Variants in ANKRD12 observed in about 807,000 individuals in gnomAD.
ANKRD12 encodes ankyrin repeat domain-containing protein 12.
Under a neutral mutation model 183.4 loss-of-function variants are expected in ANKRD12, and 85 were observed. The ratio of observed to expected loss-of-function variants is 0.46; its 90% CI spans 0.39 to 0.56. The LOEUF is 0.56. Ranked by LOEUF, ANKRD12 falls within the 20% of genes least tolerant of loss-of-function variation. ANKRD12 has a pLI of 0.00. For synonymous variants in ANKRD12, 914 were observed against 800.2 expected (o/e 1.14, Z -2.40); for missense variants, 2,405 against 2,357.1 (o/e 1.02, Z -0.42).
chr18:9,257,911 T>A lies in ANKRD12; in HGVS notation c.4644T>A (p.Thr1548=), dbSNP rs771895849. 6.2e-7 allele frequency: 1 copy of A among 1,613,990 alleles called. No homozygotes were observed. The highest frequency in any genetic ancestry group is 1.1e-5 in the South Asian group (1 of 91,072). ...AATCTACAAAAGATACAGAAAATAC[T>A]TTTGTCCTAGGAGATGTTCAAAAAA... ...DNESTKDTEN[T]FVLGDVQKTD... The change falls in exon 9 of 13, where the codon ACT becomes ACA. Residue 1548 remains threonine (T), a synonymous_variant. Coordinates refer to ENST00000262126, the MANE Select transcript of ANKRD12 (RefSeq NM_015208.5).
At chr18:9,175,907 T>C (rs1403077838) in intron 1 of ANKRD12, among the ~76,000 whole-genome samples, 1 of 152,156 alleles carries the variant, frequency 6.6e-6, no homozygotes, top group African/African-American at 2.4e-5. Flanking sequence ...TTCTCCAAAT[T>C]GTTAGCCTTA....
chr18:9,163,472 C>T (rs975929028), intron 1 of ANKRD12, among the ~76,000 whole-genome samples: 1 of 152,094 alleles, frequency 6.6e-6, no homozygotes, highest in Non-Finnish European at 1.5e-5. Context: ...CATGATGCCT[C>T]TAGCTTTGTT....
chr18:9,143,599 T>C (rs2078394660), intron 1 of ANKRD12, among the ~76,000 whole-genome samples: 1 of 152,218 alleles, frequency 6.6e-6, no homozygotes, highest in Admixed American at 6.5e-5. Context: ...GAGCTGGGAT[T>C]ACAGGCGCTT....
Position 9,141,215 on chromosome 18 carries a change from TGTGGTGGTG to T in ANKRD12, c.-52+4262_-52+4270del, listed in dbSNP as rs56166909. Among the ~76,000 whole-genome samples, 8 of 151,198 alleles carry T rather than the reference TGTGGTGGTG, an allele frequency of 5.3e-5. No individual in the cohort carries two copies. In the South Asian group the frequency reaches 6.3e-4, roughly 12 times the overall value. On this transcript the variant is annotated intron_variant, in intron 1 of 12. Transcript: ENST00000262126. Reference sequence around the variant, plus strand: ...TATGAGATGCTGATATACTTGTTGCTGTGGTGGTGGTGGTGGTGGTTTTATATTAGTTGT... The same window carrying T: ...TATGAGATGCTGATATACTTGTTGCTGTGGTGGTGGTTTTATATTAGTTGT...
At chr18:9,268,437 T>TTCA (rs1243080965) in intron 10 of ANKRD12, among the ~76,000 whole-genome samples, 8 of 152,332 alleles carry the variant, frequency 5.3e-5, no homozygotes, top group African/African-American at 1.9e-4. Context: ...TCAAGTGGGC[T>TTCA]TCATCCCTGG....
chr18:9,156,177 T>C (rs1437277039), intron 1 of ANKRD12, among the ~76,000 whole-genome samples: 2 of 151,658 alleles, frequency 1.3e-5, no homozygotes, highest in Non-Finnish European at 2.9e-5. Flanking sequence ...TTGACTTTTA[T>C]GTCACATTTT....
intron 2 of ANKRD12, among the ~76,000 whole-genome samples, chr18:9,192,639 T>A (rs1432186491): frequency 6.6e-6 from 1 of 152,160 alleles, no homozygotes; most frequent in Non-Finnish European, 1.5e-5. Flanking sequence ...AAAACTCTAT[T>A]GTAAAATCTT....
chr18:9,235,730 A>G (rs1348715122), intron 8 of ANKRD12: 2 of 455,800 alleles, frequency 4.4e-6, no homozygotes, highest in East Asian at 1.4e-4. Flanking sequence ...AGATTGTGAG[A>G]AAGCCAAACA....
intron 6 of ANKRD12, among the ~76,000 whole-genome samples, chr18:9,212,875 C>T (rs892907666): frequency 2.1e-4 from 32 of 151,872 alleles, no homozygotes; most frequent in African/African-American, 7.2e-4. Flanking sequence ...TTATTATAAA[C>T]TTATGTGTAT....
chr18:9,271,048 A>G (rs1388572473), intron 10 of ANKRD12, among the ~76,000 whole-genome samples: 1 of 152,178 alleles, frequency 6.6e-6, no homozygotes, highest in Non-Finnish European at 1.5e-5. Context: ...TAGGTGTCAT[A>G]TAGCAGCAGA....
At chr18:9,224,009 C>T (rs1000976656) in intron 8 of ANKRD12, among the ~76,000 whole-genome samples, 5 of 152,110 alleles carry the variant, frequency 3.3e-5, no homozygotes, top group East Asian at 1.9e-4. Flanking sequence ...CTGGAAAGCA[C>T]GTTTTCTAAG....
intron 6 of ANKRD12, among the ~76,000 whole-genome samples, chr18:9,216,046 T>C (rs574077474): frequency 4.0e-5 from 6 of 151,726 alleles, no homozygotes; most frequent in African/African-American, 1.4e-4. Context: ...CACCAATCCT[T>C]GTATGATCCA....
chr18:9,197,387 A>G (rs2034898436), intron 3 of ANKRD12, among the ~76,000 whole-genome samples: 1 of 152,200 alleles, frequency 6.6e-6, no homozygotes. Context: ...TTGTCACCAA[A>G]CAAAATTTTG....
At chr18:9,188,017 C>T (rs1358292791) in intron 2 of ANKRD12, among the ~76,000 whole-genome samples, 1 of 152,056 alleles carries the variant, frequency 6.6e-6, no homozygotes, top group Non-Finnish European at 1.5e-5. Flanking sequence ...TAGAAATTAC[C>T]TATTACCTTG....
At chr18:9,225,472 T>TAA (rs200715342) in intron 8 of ANKRD12, among the ~76,000 whole-genome samples, 1,242 of 67,958 alleles carry the variant, frequency 0.018, 110 homozygotes, top group African/African-American at 0.045. Context: ...AGACTATCTT[T>TAA]AAAAAAAAAA....
At chr18:9,268,642 A>G (rs182518555) in intron 10 of ANKRD12, among the ~76,000 whole-genome samples, 2,413 of 152,306 alleles carry the variant, frequency 0.016, 28 homozygotes, top group Non-Finnish European at 0.023. Flanking sequence ...AGAGCTATGT[A>G]TGACACACCC....
intron 1 of ANKRD12, among the ~76,000 whole-genome samples, chr18:9,170,032 A>G (rs2032528269): frequency 1.3e-5 from 2 of 152,206 alleles, no homozygotes; most frequent in African/African-American, 4.8e-5. Context: ...AGAATGTTGA[A>G]TATTGGTCCC....
intron 11 of ANKRD12, among the ~76,000 whole-genome samples, chr18:9,276,263 C>T (rs1206478303): frequency 6.6e-6 from 1 of 152,160 alleles, no homozygotes; most frequent in African/African-American, 2.4e-5. Context: ...GAAGGATTAT[C>T]ACCTGAAAAC....
intron 8 of ANKRD12, among the ~76,000 whole-genome samples, chr18:9,230,722 G>A (rs1437476113): frequency 2.6e-5 from 4 of 151,294 alleles, no homozygotes; most frequent in Non-Finnish European, 4.4e-5. Context: ...GCAGTGGCAC[G>A]ATCTCGGCTT....
Sources: gnomAD v4.1 joint callset for allele counts (sites outside exome capture counted in the v4.1 genomes callset) on GRCh38, gnomAD v4.1.1 for gene constraint, MANE v1.5 for transcripts, NCBI Gene and HGNC (gene_info 2026-07-23, HGNC 2026-07-21) for gene names.